ABR: variants seen among roughly 807,000 people sequenced by gnomAD.
The protein encoded by ABR is active breakpoint cluster region-related protein.
In ABR, 35 loss-of-function variants were observed where a neutral mutation model predicts 107.2. That is an observed-to-expected ratio of 0.33 (90% CI 0.25 to 0.43). The LOEUF (loss-of-function observed/expected upper bound fraction) is 0.43, where lower values mean the gene tolerates loss of function less well. ABR is among the 20% of genes least tolerant of loss of function. The pLI is 1.00. For missense variants in ABR, 815 were observed against 1,115.2 expected (o/e 0.73, Z 3.83); for synonymous variants, 498 against 462.0 (o/e 1.08, Z -1.00).
rs796673177 is a variant in ABR at position 1,225,394 on chromosome 17, T to C, written c.838+3399A>G. On this transcript the variant is annotated intron_variant, in intron 1 of 22. Coordinates refer to the ABR transcript ENST00000574139. ...TCAGCTGGGCACAGTGGCTCAGGCC[T>C]GTAATCCTAGCACTTTGGGAGGCCG... Among the ~76,000 whole-genome samples, 98 of 152,198 alleles carry C rather than the reference T, an allele frequency of 6.4e-4. 2 individuals are homozygous for C. The highest frequency in any genetic ancestry group is 2.3e-3 in the African/African-American group (96 of 41,540).
Position 1,165,207 on chromosome 17 carries a change from C to T in ABR, c.61+14460G>A, listed in dbSNP as rs535367288. On this transcript the variant is annotated intron_variant, in intron 1 of 22. Transcript: ENST00000302538. ...AGCAACAGGCCTGGGGCCACAGAACCGGGCCCTGGAGCGCCTTCCCACAAT... is the reference window on the plus strand; with the variant it reads ...AGCAACAGGCCTGGGGCCACAGAACTGGGCCCTGGAGCGCCTTCCCACAAT... Among the ~76,000 whole-genome samples the T allele has an allele frequency of 8.5e-5, 13 of 152,360 alleles. 1 individual carries two copies. The East Asian group carries it at 2.3e-3, about 27-fold the overall frequency.
upstream of ABR, among the ~76,000 whole-genome samples, chr17:1,182,542 AT>A (rs1669422667): frequency 6.6e-6 from 1 of 151,922 alleles, no homozygotes. Context: ...TAATTTTTGT[AT>A]TTTTAGTAGA....
rs2043131166 is a variant in ABR at position 1,222,107 on chromosome 17, C to T, written c.838+6686G>A. On this transcript the variant is annotated intron_variant, in intron 1 of 22. Transcript: ENST00000574139. ...CTGAGACGGAGTTTCACCCTGTCAC[C>T]AAGCTGGAGTGCAGAGTCGTGATCT... Among the ~76,000 whole-genome samples, 3 of 118,054 alleles carry T rather than the reference C, an allele frequency of 2.5e-5. No individual in the cohort carries two copies. The Admixed American group carries it at 2.7e-4, about 11-fold the overall frequency. The allele number at this position is 118,054 out of a possible 152,430, so 77.4% of individuals were successfully genotyped here.
At chr17:1,075,344 G>A (rs969180016) in intron 6 of ABR, among the ~76,000 whole-genome samples, 2 of 152,248 alleles carry the variant, frequency 1.3e-5, no homozygotes, top group African/African-American at 4.8e-5. Flanking sequence ...TCCCAGACTG[G>A]GTGTCCCATA....
chr17:1,209,059 G>A (rs1295334518), intron 1 of ABR, among the ~76,000 whole-genome samples: 1 of 152,128 alleles, frequency 6.6e-6, no homozygotes, highest in Admixed American at 6.6e-5. Flanking sequence ...CTTTCCCTTG[G>A]TTCACTGCTC....
Position 1,018,095 on chromosome 17 carries a change from TG to T in ABR, c.1792-4932del, listed in dbSNP as rs2071308857. 6.2e-5 allele frequency among the ~76,000 whole-genome samples: 8 copies of T among 129,038 alleles called. No homozygotes were observed. The South Asian group carries it at 1.9e-3, about 31-fold the overall frequency. The allele number at this position is 129,038 out of a possible 152,430, so 84.7% of individuals were successfully genotyped here. On this transcript the variant is annotated intron_variant, in intron 16 of 22. Transcript: ENST00000302538. ...TCTTGCTCTGTCGCCCAGGCTGGAGTGCTGTGGCGCGATCCTGGCTCACTGC... is the reference window on the plus strand; with the variant it reads ...TCTTGCTCTGTCGCCCAGGCTGGAGTCTGTGGCGCGATCCTGGCTCACTGC...
At chr17:1,204,138 G>T (rs2042742733) in intron 1 of ABR, among the ~76,000 whole-genome samples, 2 of 152,176 alleles carry the variant, frequency 1.3e-5, no homozygotes, top group African/African-American at 4.8e-5. Context: ...TTAGTCCCCA[G>T]CGGGGCATTT....
chr17:1,177,157 TC>T (rs1479487334), intron 1 of ABR, among the ~76,000 whole-genome samples: 3 of 152,164 alleles, frequency 2.0e-5, no homozygotes, highest in African/African-American at 7.2e-5. Flanking sequence ...CAGAGGAACT[TC>T]CTCTGGGAGC....
At chr17:1,009,878 G>T in intron 20 of ABR, 94 bp from the exon 21 acceptor site, 1 of 1,145,950 alleles carries the variant, frequency 8.7e-7, no homozygotes, top group Non-Finnish European at 1.3e-6. Flanking sequence ...GCGGGAGAGA[G>T]CCCAGGCTTC....
At chr17:1,219,104 G>A (rs1215025664) in intron 1 of ABR, among the ~76,000 whole-genome samples, 1 of 152,142 alleles carries the variant, frequency 6.6e-6, no homozygotes, top group Non-Finnish European at 1.5e-5. Context: ...GTGCAGTGGC[G>A]CGATCTCGGC....
chr17:1,021,681 G>A (rs1353541394), intron 16 of ABR, among the ~76,000 whole-genome samples: 1 of 152,006 alleles, frequency 6.6e-6, no homozygotes, highest in South Asian at 2.1e-4. Flanking sequence ...GCGGGTGCCT[G>A]TAATCCCAGC....
intron 16 of ABR, among the ~76,000 whole-genome samples, chr17:1,013,742 G>T (rs1414628913): frequency 1.3e-5 from 2 of 152,218 alleles, no homozygotes; most frequent in Non-Finnish European, 2.9e-5. Context: ...GGATTGCTGG[G>T]AAGATTCAGG....
intron 3 of ABR, among the ~76,000 whole-genome samples, chr17:1,095,672 A>T (rs901369147): frequency 2.0e-5 from 3 of 151,930 alleles, no homozygotes; most frequent in Non-Finnish European, 4.4e-5. Flanking sequence ...AGTGACTTCA[A>T]CCCTGGCTCC....
chr17:1,069,464 G>A (rs1021315843), intron 9 of ABR, among the ~76,000 whole-genome samples: 1 of 152,158 alleles, frequency 6.6e-6, no homozygotes, highest in Admixed American at 6.5e-5. Context: ...GGGAGTTTGA[G>A]ATCAGCCTGG....
At chr17:1,156,473 C>G (rs143452700) in intron 1 of ABR, among the ~76,000 whole-genome samples, 2 of 152,124 alleles carry the variant, frequency 1.3e-5, no homozygotes, top group African/African-American at 4.8e-5. Context: ...CACCTGACGC[C>G]AGGAGTTCAA....
intron 2 of ABR, among the ~76,000 whole-genome samples, chr17:1,117,146 C>T (rs55874164): frequency 5.4e-5 from 3 of 55,536 alleles, no homozygotes; most frequent in African/African-American, 1.5e-4. Context: ...GCCTGAGTTC[C>T]TCCCAGCGTT....
intron 1 of ABR, among the ~76,000 whole-genome samples, chr17:1,134,008 C>T (rs1039174118): frequency 6.6e-6 from 1 of 152,184 alleles, no homozygotes; most frequent in Non-Finnish European, 1.5e-5. Flanking sequence ...AGGCCGGGCG[C>T]GTGGCTCATG....
intron 3 of ABR, among the ~76,000 whole-genome samples, chr17:1,099,381 C>T (rs569262187): frequency 5.9e-5 from 9 of 152,304 alleles, no homozygotes; most frequent in African/African-American, 1.9e-4. Flanking sequence ...CGGCCTGCAC[C>T]TGCACATTTA....
Position 1,037,948 on chromosome 17 carries a change from C to T in ABR, c.1791+12102G>A, listed in dbSNP as rs775818003. On this transcript the variant is annotated intron_variant, in intron 16 of 22. Transcript: ENST00000302538. This position sits in a 1 kb window ranked among gnomAD's most constrained non-coding sequence, Gnocchi z 4.6. ...GAGCTCGGAACAGACACATGGTCTC[C>T]GGTGAGATTTCTTTTCTGCTGAGGA... 1.3e-5 allele frequency among the ~76,000 whole-genome samples: 2 copies of T among 152,148 alleles called. No homozygotes were observed. The highest frequency in any genetic ancestry group is 2.4e-5 in the African/African-American group (1 of 41,432).
Sources: allele counts gnomAD v4.1 joint callset (sites outside exome capture counted in the v4.1 genomes callset), GRCh38; gene constraint gnomAD v4.1.1; non-coding constraint Gnocchi (gnomAD v3.1); transcripts MANE v1.5; gene names NCBI Gene and HGNC (gene_info 2026-07-23, HGNC 2026-07-21).